The following CCDC38 variants were observed in gnomAD, a reference collection of about 807,000 sequenced individuals.
CCDC38 encodes the protein coiled-coil domain-containing protein 38.
Under a neutral mutation model 72.8 loss-of-function variants are expected in CCDC38, and 69 were observed. The ratio of observed to expected loss-of-function variants is 0.95; its 90% confidence interval spans 0.78 to 1.16. The LOEUF (loss-of-function observed/expected upper bound fraction) is 1.16, where lower values mean the gene tolerates loss of function less well. Ranked by LOEUF, CCDC38 falls within the 50% of genes most tolerant of loss-of-function variation. CCDC38 has a pLI of 0.00. For synonymous variants in CCDC38, 201 were observed against 213.2 expected (o/e 0.94, Z 0.50); for missense variants, 626 against 638.9 (o/e 0.98, Z 0.22).
intron 4 of CCDC38, among the ~76,000 whole-genome samples, chr12:95,913,637 C>T (rs919383281): frequency 6.6e-6 from 1 of 152,084 alleles, no homozygotes; most frequent in Non-Finnish European, 1.5e-5. Flanking sequence ...AGATACACTA[C>T]TTTACTTTGT....
chr12:95,934,272 T>C (rs1342449516), intron 2 of CCDC38: 2 of 152,274 alleles, frequency 1.3e-5, no homozygotes, highest in Non-Finnish European at 2.9e-5. Flanking sequence ...TATGTAGTTA[T>C]TGTCAGGTTG....
chr12:95,885,863 A>G (rs2079753160), intron 10 of CCDC38: 1 of 152,168 alleles, frequency 6.6e-6, no homozygotes, highest in African/African-American at 2.4e-5. Context: ...TTGTCTGAGA[A>G]CCAGTTCCAT....
intron 9 of CCDC38, chr12:95,888,944 T>C (rs956392248): frequency 6.3e-5 from 9 of 141,854 alleles, no homozygotes; most frequent in Non-Finnish European, 9.5e-5. Flanking sequence ...AAATACACGG[T>C]GAGTAAAGGA....
chr12:95,887,069 C>T (rs1362068714), intron 10 of CCDC38, among the ~76,000 whole-genome samples: 1 of 152,086 alleles, frequency 6.6e-6, no homozygotes, highest in Admixed American at 6.6e-5. Context: ...CCTGTAATCC[C>T]AGTTATTCAG....
intron 4 of CCDC38, among the ~76,000 whole-genome samples, chr12:95,910,911 C>T (rs967553464): frequency 1.3e-5 from 2 of 151,936 alleles, no homozygotes; most frequent in Non-Finnish European, 2.9e-5. Context: ...TACATGAAGC[C>T]AAAATAGAGC....
At position 95,888,420 on chromosome 12, in the gene CCDC38, C is replaced by T. The variant is rs780918376; in HGVS notation, c.920+38G>A. 1.6e-5 allele frequency: 26 copies of T among 1,577,706 alleles called. No homozygotes were observed. In the South Asian group the frequency reaches 2.1e-4, roughly 13 times the overall value. On this transcript the variant is annotated intron_variant, in intron 10 of 15. Transcript: ENST00000344280. ...TAAAAGTTATTTGCTGAAAACCATT[C>T]CCAGTTTCCAAGGGAGTTAGTCAAG...
At chr12:95,919,769 C>G (rs1288616159) in intron 2 of CCDC38, 4 of 379,624 alleles carry the variant, frequency 1.1e-5, no homozygotes, top group Non-Finnish European at 2.1e-5. Flanking sequence ...CAGATACAGC[C>G]ACTACCCTTA....
chr12:95,919,422 G>A (rs1048700110), intron 2 of CCDC38: 4 of 425,988 alleles, frequency 9.4e-6, no homozygotes, highest in Non-Finnish European at 1.9e-5. Context: ...CTACGTTAGG[G>A]TTTTAATTTT....
At chr12:95,927,754 C>T (rs2080288743) in intron 2 of CCDC38, among the ~76,000 whole-genome samples, 1 of 151,946 alleles carries the variant, frequency 6.6e-6, no homozygotes, top group African/African-American at 2.4e-5. Flanking sequence ...AATCGCTCAG[C>T]ATTTGCTTGT....
Position 95,879,773 on chromosome 12 carries a change from T to C in CCDC38, c.1013A>G (p.Glu338Gly). 1 of 1,607,990 alleles carries C rather than the reference T, an allele frequency of 6.2e-7. No homozygotes were observed. Among genetic ancestry groups the C allele is most frequent in the Non-Finnish European group, 8.5e-7 (1 of 1,177,472 alleles). The change falls in exon 12 of 16, where the codon GAA becomes GGA. Residue 338 changes from glutamate to glycine, a missense_variant. Transcript: ENST00000344280. The surrounding 1 kb of genome is among the most constrained non-coding windows in gnomAD (Gnocchi z 5.5). ...VDLEPALYFK[E>G]PEELLQVLRE... The stretch of plus-strand genomic sequence containing the variant: ...GAGGACTTGAAGTAACTCCTCTGGT[T>C]CCTTGAAATAAAGTGCTGGCTCCTA...
At chr12:95,875,611 G>C (rs781697883) in intron 13 of CCDC38, among the ~76,000 whole-genome samples, 2 of 152,110 alleles carry the variant, frequency 1.3e-5, no homozygotes, top group African/African-American at 4.8e-5. Context: ...TGTATATTCT[G>C]AGAGCTGAAA....
intron 4 of CCDC38, among the ~76,000 whole-genome samples, chr12:95,914,684 C>T (rs900916411): frequency 6.6e-6 from 1 of 152,268 alleles, no homozygotes; most frequent in East Asian, 1.9e-4. Context: ...CTTAAAAATA[C>T]CTTTTTGGAA....
At chr12:95,888,072 G>A (rs758482715) in intron 10 of CCDC38, among the ~76,000 whole-genome samples, 1 of 152,118 alleles carries the variant, frequency 6.6e-6, no homozygotes, top group African/African-American at 2.4e-5. Flanking sequence ...GTACAAATGA[G>A]TGAACAATTA....
At chr12:95,907,546 A>C (rs2080022443) in intron 4 of CCDC38, among the ~76,000 whole-genome samples, 2 of 120,026 alleles carry the variant, frequency 1.7e-5, no homozygotes, top group Non-Finnish European at 1.7e-5. Context: ...GGCGCCCCTC[A>C]CCTCCCGGAC....
At chr12:95,907,477 AT>A (rs2080021252) in intron 4 of CCDC38, among the ~76,000 whole-genome samples, 1 of 101,616 alleles carries the variant, frequency 9.8e-6, no homozygotes, top group Non-Finnish European at 1.8e-5. Context: ...TCCCTCCCGG[AT>A]GGGGCGGCTG....
chr12:95,943,195 T>G, upstream of CCDC38: 2 of 545,484 alleles, frequency 3.7e-6, no homozygotes, highest in South Asian at 5.3e-5. Flanking sequence ...TCATCAGGTT[T>G]ATTACTCGTT....
chr12:95,925,855 G>A (rs1243321626), intron 2 of CCDC38, among the ~76,000 whole-genome samples: 18 of 146,386 alleles, frequency 1.2e-4, no homozygotes, highest in South Asian at 2.3e-4. Flanking sequence ...ATTGATTTGC[G>A]TATATTGAAC....
intron 4 of CCDC38, among the ~76,000 whole-genome samples, chr12:95,907,656 C>G (rs557086449): frequency 8.6e-6 from 1 of 115,888 alleles, no homozygotes; most frequent in Non-Finnish European, 2.0e-5. Flanking sequence ...GGGTGGCTGC[C>G]GGGCAGAGGG....
rs2080001419 is a variant in CCDC38, at chr12:95,906,411, G to C, written c.345C>G (p.Asp115Glu). 1 of 1,613,002 alleles carries C rather than the reference G, an allele frequency of 6.2e-7. No individual in the cohort carries two copies. The highest frequency in any genetic ancestry group is 1.1e-5 in the South Asian group (1 of 90,956). The change falls in exon 5 of 16, where the codon GAC becomes GAG. Residue 115 changes from aspartate to glutamate, a missense_variant. By Grantham distance (45) the Asp-to-Glu change is conservative. Transcript: ENST00000344280. ...CCTCGAGCAGAAACCTGTCTCTCTG[G>C]TCATTAATAAATTCATGGACAGTCC... ...TKRTVHEFINDQRDRFLLEYA... is the reference protein window; with the variant it reads ...TKRTVHEFINEQRDRFLLEYA...
Sources: allele counts gnomAD v4.1 joint callset (sites outside exome capture counted in the v4.1 genomes callset), GRCh38; gene constraint gnomAD v4.1.1; non-coding constraint Gnocchi (gnomAD v3.1); transcripts MANE v1.5; gene names NCBI Gene and HGNC (gene_info 2026-07-23, HGNC 2026-07-21).